The following UNC13B variants were observed in gnomAD, a reference collection of about 807,000 sequenced individuals.
The protein encoded by UNC13B is protein unc-13 homolog B.
UNC13B carries 144 observed loss-of-function variants against 211.0 expected under a neutral mutation model. That is an observed-to-expected ratio of 0.68 (90% CI 0.60 to 0.78). The LOEUF (loss-of-function observed/expected upper bound fraction) is 0.78. UNC13B is among the 30% of genes least tolerant of loss of function. The pLI is 0.00. For missense variants in UNC13B, 1,777 were observed against 2,002.0 expected (o/e 0.89, Z 2.14); for synonymous variants, 709 against 725.8 (o/e 0.98, Z 0.37).
chr9:35,228,385 G>A (rs997845933), intron 2 of UNC13B, among the ~76,000 whole-genome samples: 1 of 151,328 alleles, frequency 6.6e-6, no homozygotes, highest in African/African-American at 2.4e-5. Flanking sequence ...TGTGCACAAC[G>A]TGCAGGTTTG....
chr9:35,297,561 T>TTTTTTTTTTTTTTTTTTTTTGTTTTTTG, intron 8 of UNC13B, among the ~76,000 whole-genome samples: 56 of 128,212 alleles, frequency 4.4e-4, no homozygotes, highest in South Asian at 7.6e-4. Flanking sequence ...TTTTTTTTTT[T>TTTTTTTTTTTTTTTTTTTTTGTTTTTTG]TTTTTTGAGA....
chr9:35,357,217 A>T (rs1187035282), intron 11 of UNC13B, among the ~76,000 whole-genome samples: 1 of 152,112 alleles, frequency 6.6e-6, no homozygotes, highest in Non-Finnish European at 1.5e-5. Flanking sequence ...GAAGGTTCTA[A>T]TTTCTCTACA....
chr9:35,258,329 GT>G (rs1827055329), intron 6 of UNC13B, among the ~76,000 whole-genome samples: 1 of 152,114 alleles, frequency 6.6e-6, no homozygotes, highest in Non-Finnish European at 1.5e-5. Flanking sequence ...TTCTCTTTCT[GT>G]TTTGCCTTCT....
rs759037637 is a variant in UNC13B, at chr9:35,404,024, G to A, written c.13014G>A (p.Glu4338=). 1.2e-6 allele frequency: 2 copies of A among 1,612,890 alleles called. No individual in the cohort carries two copies. The highest frequency in any genetic ancestry group is 1.7e-6 in the Non-Finnish European group (2 of 1,179,744). ...KLKSESRSTE[E]GS ...AATCAGAGTCTCGTTCCACGGAGGA[G>A]GGGAGCTGAACACCTTCGACTCCTG... Residue 4338 remains glutamate, a synonymous_variant, in exon 40 of 40, where the codon GAG becomes GAA. Transcript: ENST00000635942.
Position 35,302,632 on chromosome 9 carries a change from G to C in UNC13B, c.3228G>C (p.Arg1076Ser). The C allele has an allele frequency of 2.5e-6, 1 of 398,550 alleles. No homozygotes were observed. The highest frequency in any genetic ancestry group is 1.3e-4 in the South Asian group (1 of 7,846). 24.7% of individuals were successfully genotyped at this position (398,550 alleles called of 1,614,324 possible). Reference protein sequence around the residue: ...SDHTAGQNFERDGLAIPGVVP... With the variant: ...SDHTAGQNFESDGLAIPGVVP... The stretch of plus-strand genomic sequence containing the variant: ...ACACAGCAGGACAGAATTTTGAAAG[G>C]GATGGCTTAGCCATCCCTGGAGTTG... The change falls in exon 9 of 40, where the codon AGG becomes AGC. Residue 1076 changes from arginine to serine, a missense_variant. Physicochemically the swap from Arg to Ser is moderately radical, Grantham distance 110. Transcript: ENST00000635942.
chr9:35,376,677 G>C (rs1834436834), intron 15 of UNC13B, among the ~76,000 whole-genome samples: 1 of 152,226 alleles, frequency 6.6e-6, no homozygotes, highest in Non-Finnish European at 1.5e-5. Context: ...AGGACTCAGG[G>C]AAGGCAGCAT....
At chr9:35,378,085 T>A (rs1472741584) in intron 16 of UNC13B, among the ~76,000 whole-genome samples, 2 of 151,960 alleles carry the variant, frequency 1.3e-5, no homozygotes, top group Non-Finnish European at 2.9e-5. Context: ...AATATAGAGA[T>A]AAGTGGTCAG....
chr9:35,189,094 A>G (rs1040345033), intron 1 of UNC13B, among the ~76,000 whole-genome samples: 1 of 152,190 alleles, frequency 6.6e-6, no homozygotes, highest in Non-Finnish European at 1.5e-5. Flanking sequence ...CTCTAGCTTT[A>G]TCTTATCAAA....
At chr9:35,233,685 GT>G (rs1372873679) in intron 3 of UNC13B, among the ~76,000 whole-genome samples, 1 of 151,926 alleles carries the variant, frequency 6.6e-6, no homozygotes, top group Non-Finnish European at 1.5e-5. Flanking sequence ...TATATTATTT[GT>G]TTTTAATATT....
At chr9:35,170,491 C>G (rs563836796) in intron 1 of UNC13B, among the ~76,000 whole-genome samples, 1 of 151,398 alleles carries the variant, frequency 6.6e-6, no homozygotes, top group Non-Finnish European at 1.5e-5. Context: ...TTTTTTGAGA[C>G]TGGATCTTGC....
intron 26 of UNC13B, among the ~76,000 whole-genome samples, chr9:35,394,465 A>C (rs1835746463): frequency 6.6e-6 from 1 of 152,154 alleles, no homozygotes; most frequent in Non-Finnish European, 1.5e-5. Context: ...GTGTGCTGGC[A>C]CATGTCTGTA....
intron 1 of UNC13B, among the ~76,000 whole-genome samples, chr9:35,217,120 T>C (rs1824290875): frequency 6.6e-6 from 1 of 152,196 alleles, no homozygotes; most frequent in African/African-American, 2.4e-5. Flanking sequence ...GGTCTACATA[T>C]GTGATAAATA....
At chr9:35,196,553 C>T (rs1822952539) in intron 1 of UNC13B, among the ~76,000 whole-genome samples, 1 of 152,192 alleles carries the variant, frequency 6.6e-6, no homozygotes, top group South Asian at 2.1e-4. Context: ...GGGGAGGATG[C>T]TCTGCCCAGG....
chr9:35,275,235 G>C (rs1391744300), intron 7 of UNC13B, among the ~76,000 whole-genome samples: 1 of 152,094 alleles, frequency 6.6e-6, no homozygotes, highest in Non-Finnish European at 1.5e-5. Context: ...TCAAATGTCT[G>C]TGTTCTTTCC....
chr9:35,315,570 T>C lies in UNC13B; in HGVS notation c.9414+1581T>C, dbSNP rs151320896. ...ATTCTGTCATTCCTAAATCTTCCTTTGTATTTCCCTATAAACAAGGCTACA... is the reference window on the plus strand; with the variant it reads ...ATTCTGTCATTCCTAAATCTTCCTTCGTATTTCCCTATAAACAAGGCTACA... On this transcript the variant is annotated intron_variant, in intron 11 of 39. Coordinates refer to ENST00000635942, the MANE Select transcript of UNC13B (RefSeq NM_001371189.2). Among the ~76,000 whole-genome samples, 411 of 152,310 alleles carry C rather than the reference T, an allele frequency of 2.7e-3. 1 individual carries two copies. The highest frequency in any genetic ancestry group is 4.7e-3 in the Non-Finnish European group (319 of 68,024).
rs376605307 is a variant in UNC13B at position 35,323,214 on chromosome 9, A to G, written c.9414+9225A>G. Among the ~76,000 whole-genome samples the G allele has an allele frequency of 1.4e-4, 21 of 151,930 alleles. No individual in the cohort carries two copies. In the East Asian group the frequency reaches 3.5e-3, roughly 25 times the overall value. ...CCTTGCTTTTTTCATTTATTGCTCT[A>G]TCTCGGAGATTTTTTTCCTTATTAG... On this transcript the variant is annotated intron_variant, in intron 11 of 39. Transcript: ENST00000635942.
chr9:35,302,310 G>A lies in UNC13B; in HGVS notation c.2906G>A (p.Ser969Asn). The A allele has an allele frequency of 5.0e-6, 2 of 398,462 alleles. No individual in the cohort carries two copies. The highest frequency in any genetic ancestry group is 8.9e-6 in the Non-Finnish European group (2 of 225,726). The allele number at this position is 398,462 out of a possible 1,614,324, so 24.7% of individuals were successfully genotyped here. Reference sequence around the variant, plus strand: ...GCCAAACTTAATTCAATAAAATCTAGTTCAGTTCCAAATATTCATGATGAT... The same window carrying A: ...GCCAAACTTAATTCAATAAAATCTAATTCAGTTCCAAATATTCATGATGAT... ...EDAKLNSIKS[S>N]SVPNIHDDLE... The change falls in exon 9 of 40, where the codon AGT becomes AAT. Residue 969 changes from serine (S) to asparagine (N), a missense_variant. Physicochemically the swap from Ser to Asn is conservative, Grantham distance 46. Transcript: ENST00000635942.
At chr9:35,368,063 A>AT (rs962570370) in intron 12 of UNC13B, among the ~76,000 whole-genome samples, 1 of 152,098 alleles carries the variant, frequency 6.6e-6, no homozygotes, top group Non-Finnish European at 1.5e-5. Flanking sequence ...TTAAAAAAAA[A>AT]TTTTTTTTAA....
chr9:35,384,448 A>T, intron 22 of UNC13B, 134 bp downstream of exon 22: 1 of 1,435,804 alleles, frequency 7.0e-7, no homozygotes, highest in African/African-American at 1.4e-5. Context: ...CCAAATGGCC[A>T]ATGCTACTGA....
Sources: gnomAD v4.1 joint callset for allele counts (sites outside exome capture counted in the v4.1 genomes callset) on GRCh38, gnomAD v4.1.1 for gene constraint, MANE v1.5 for transcripts, NCBI Gene and HGNC (gene_info 2026-07-23, HGNC 2026-07-21) for gene names.